MSI2: variants seen among roughly 807,000 people sequenced by gnomAD.
The protein encoded by MSI2 is RNA-binding protein Musashi homolog 2.
MSI2 carries 17 observed loss-of-function variants against 45.6 expected under a neutral mutation model. The ratio of observed to expected loss-of-function variants is 0.37; its 90% CI spans 0.26 to 0.56. The LOEUF is 0.56. Ranked by LOEUF, MSI2 falls within the 20% of genes least tolerant of loss-of-function variation. The pLI is 0.77. For synonymous variants in MSI2, 156 were observed against 158.2 expected (o/e 0.99, Z 0.11); for missense variants, 293 against 444.2 (o/e 0.66, Z 3.06).
In MSI2 at chr17:57,257,138, G is replaced by A; in HGVS notation, c.103G>A (p.Asp35Asn). The change falls in exon 2 of 14, where the codon GAT becomes AAT. Residue 35 changes from aspartate to asparagine, a missense_variant and splice_region_variant. Coordinates refer to ENST00000284073, the MANE Select transcript of MSI2 (RefSeq NM_138962.4). ...TGGACTGAGCTGGCAGACCTCACCA[G>A]GTAAGGGAGGGAGGGGGGGACGCCT... ...IGGLSWQTSPDSLRDYFSKFG... is the reference protein window; with the variant it reads ...IGGLSWQTSPNSLRDYFSKFG... The A allele has an allele frequency of 9.2e-7, 1 of 1,081,484 alleles. No homozygotes were observed. The highest frequency in any genetic ancestry group is 1.3e-6 in the Non-Finnish European group (1 of 749,208). The allele number at this position is 1,081,484 out of a possible 1,614,324, so 67.0% of individuals were successfully genotyped here.
At chr17:57,615,416 C>A (rs1206585106) in intron 8 of MSI2, among the ~76,000 whole-genome samples, 1 of 152,134 alleles carries the variant, frequency 6.6e-6, no homozygotes, top group African/African-American at 2.4e-5. Context: ...CAAACATGAT[C>A]CCCCACGCCC....
At chr17:57,677,369 G>T (rs940285312) in intron 13 of MSI2, among the ~76,000 whole-genome samples, 3 of 152,136 alleles carry the variant, frequency 2.0e-5, no homozygotes, top group Non-Finnish European at 2.9e-5. Flanking sequence ...ATACAATCAA[G>T]AGTGTGGGAA....
chr17:57,468,427 C>A (rs909902132), intron 6 of MSI2, among the ~76,000 whole-genome samples: 1 of 147,962 alleles, frequency 6.8e-6, no homozygotes. Flanking sequence ...AGGCTGAGGC[C>A]GGAGAATGGC....
At chr17:57,324,181 G>T (rs1304259420) in intron 5 of MSI2, among the ~76,000 whole-genome samples, 1 of 152,192 alleles carries the variant, frequency 6.6e-6, no homozygotes, top group Non-Finnish European at 1.5e-5. Context: ...CATTTTGCGG[G>T]TGGAGTCTGA....
chr17:57,344,247 T>C (rs527910805), intron 5 of MSI2, among the ~76,000 whole-genome samples: 1 of 152,324 alleles, frequency 6.6e-6, no homozygotes, highest in Admixed American at 6.5e-5. Flanking sequence ...TCTTACCCAC[T>C]AATTTTAAAA....
intron 5 of MSI2, among the ~76,000 whole-genome samples, chr17:57,366,724 C>T (rs571093555): frequency 6.6e-6 from 1 of 152,220 alleles, no homozygotes; most frequent in Non-Finnish European, 1.5e-5. Flanking sequence ...TAACGAGTAG[C>T]TGTGGGGAAT....
At chr17:57,265,719 C>G (rs1907708679) in intron 5 of MSI2, 1 of 152,152 alleles carries the variant, frequency 6.6e-6, no homozygotes, top group African/African-American at 2.4e-5. Flanking sequence ...CATTCTATAT[C>G]TTCGTATTTC....
intron 7 of MSI2, among the ~76,000 whole-genome samples, chr17:57,545,869 C>T (rs190393760): frequency 4.0e-5 from 6 of 151,572 alleles, no homozygotes; most frequent in Admixed American, 3.9e-4. Flanking sequence ...CAGCGGCCAC[C>T]GGCTTATCTG....
intron 6 of MSI2, among the ~76,000 whole-genome samples, chr17:57,447,810 C>A (rs980564788): frequency 6.6e-5 from 10 of 152,126 alleles, no homozygotes; most frequent in Admixed American, 2.0e-4. Context: ...CTTTCCCCAG[C>A]CCCCACTGAC....
At chr17:57,470,447 T>G (rs913935951) in intron 6 of MSI2, among the ~76,000 whole-genome samples, 5 of 151,930 alleles carry the variant, frequency 3.3e-5, no homozygotes, top group Non-Finnish European at 4.4e-5. Flanking sequence ...CTGGCTAATT[T>G]TTGTATTTTT....
chr17:57,563,843 T>A (rs1445166858), intron 7 of MSI2, among the ~76,000 whole-genome samples: 1 of 151,564 alleles, frequency 6.6e-6, no homozygotes, highest in Non-Finnish European at 1.5e-5. Flanking sequence ...TTTCCTTTCA[T>A]CCCTCACCTC....
chr17:57,390,448 C>T (rs2083769368), intron 5 of MSI2, among the ~76,000 whole-genome samples: 1 of 152,154 alleles, frequency 6.6e-6, no homozygotes, highest in Non-Finnish European at 1.5e-5. Flanking sequence ...TTTTAACGAC[C>T]CCCACCCCGC....
chr17:57,329,155 T>C (rs572832630), intron 5 of MSI2, among the ~76,000 whole-genome samples: 45 of 152,176 alleles, frequency 3.0e-4, no homozygotes, highest in Non-Finnish European at 5.6e-4. Flanking sequence ...TGGGATTGTG[T>C]GTTGTTTCAC....
chr17:57,338,791 C>T (rs1250541561), intron 5 of MSI2, among the ~76,000 whole-genome samples: 1 of 152,220 alleles, frequency 6.6e-6, no homozygotes, highest in Admixed American at 6.5e-5. Flanking sequence ...ATGAGCAGCT[C>T]ACGCAGGGAC....
chr17:57,575,155 C>CG (rs1395188965), intron 7 of MSI2, among the ~76,000 whole-genome samples: 4 of 141,166 alleles, frequency 2.8e-5, no homozygotes, highest in African/African-American at 5.4e-5. Flanking sequence ...ACTCCCTCCC[C>CG]CCGCCACCCC....
chr17:57,554,235 G>C (rs2087376258), intron 7 of MSI2, among the ~76,000 whole-genome samples: 1 of 151,906 alleles, frequency 6.6e-6, no homozygotes, highest in African/African-American at 2.4e-5. Context: ...TTTGGGGCGG[G>C]GGAGGGGGGG....
intron 6 of MSI2, among the ~76,000 whole-genome samples, chr17:57,434,425 T>C (rs1427512805): frequency 6.6e-6 from 1 of 152,174 alleles, no homozygotes; most frequent in Non-Finnish European, 1.5e-5. Flanking sequence ...GAAATATACA[T>C]TACCTTATGA....
intron 5 of MSI2, among the ~76,000 whole-genome samples, chr17:57,327,105 C>T (rs1913862769): frequency 6.6e-6 from 1 of 152,188 alleles, no homozygotes; most frequent in Non-Finnish European, 1.5e-5. Flanking sequence ...TCTTGTCCAA[C>T]ATCTAAAAAG....
intron 7 of MSI2, among the ~76,000 whole-genome samples, chr17:57,553,593 G>GT (rs2087357240): frequency 6.6e-6 from 1 of 152,258 alleles, no homozygotes; most frequent in South Asian, 2.1e-4. Flanking sequence ...TCTGAGGTCC[G>GT]TTTTTTTCTT....
Sources: allele counts gnomAD v4.1 joint callset (sites outside exome capture counted in the v4.1 genomes callset), GRCh38; gene constraint gnomAD v4.1.1; transcripts MANE v1.5; gene names NCBI Gene and HGNC (gene_info 2026-07-23, HGNC 2026-07-21).